NEBL: variants seen among roughly 807,000 people sequenced by gnomAD.
NEBL encodes the protein nebulette.
A neutral mutation model predicts 140.2 loss-of-function variants in NEBL; 122 were observed. The ratio of observed to expected loss-of-function variants is 0.87; its 90% CI spans 0.75 to 1.01. The LOEUF (loss-of-function observed/expected upper bound fraction) is 1.01. Among genes scored for constraint, NEBL ranks in the 50% least tolerant of loss-of-function variants. NEBL has a pLI of 0.00. For missense variants in NEBL, 1,365 were observed against 1,231.3 expected, an observed-to-expected ratio of 1.11 and a Z score of -1.62; for synonymous variants, 436 against 398.9, an observed-to-expected ratio of 1.09 and a Z score of -1.11.
At chr10:21,047,103 A>G (rs927896950) in intron 2 of NEBL, among the ~76,000 whole-genome samples, 1 of 152,252 alleles carries the variant, frequency 6.6e-6, no homozygotes, top group African/African-American at 2.4e-5. Context: ...ATGTACTGAA[A>G]GTCAATCACT....
At chr10:20,919,919 C>T (rs1236339044) in intron 4 of NEBL, among the ~76,000 whole-genome samples, 2 of 152,012 alleles carry the variant, frequency 1.3e-5, no homozygotes, top group Non-Finnish European at 2.9e-5. Flanking sequence ...GGGGAAATTG[C>T]ATCATGAAGG....
chr10:20,814,241 A>AG (rs1170472445), intron 22 of NEBL, among the ~76,000 whole-genome samples, 198 bp from the exon 23 acceptor site: 7 of 152,146 alleles, frequency 4.6e-5, no homozygotes, highest in African/African-American at 9.7e-5. Flanking sequence ...CTACTGCTAA[A>AG]TGACCTAAAT....
intron 2 of NEBL, among the ~76,000 whole-genome samples, chr10:20,894,150 T>C (rs1376772147): frequency 6.6e-6 from 1 of 152,048 alleles, no homozygotes; most frequent in Non-Finnish European, 1.5e-5. Context: ...TGAAGAGAAG[T>C]CCATGAAACC....
intron 4 of NEBL, among the ~76,000 whole-genome samples, chr10:20,929,908 T>TATAAAAAGTCTATAAA (rs1263532292): frequency 6.6e-6 from 1 of 152,168 alleles, no homozygotes; most frequent in Non-Finnish European, 1.5e-5. Flanking sequence ...CTGTACCTTC[T>TATAAAAAGTCTATAAA]AAGTCTATAA....
chr10:21,186,691 C>T (rs1006511376), intron 3 of NEBL, among the ~76,000 whole-genome samples: 10 of 149,778 alleles, frequency 6.7e-5, no homozygotes, highest in Non-Finnish European at 1.2e-4. Flanking sequence ...CATCAGCTAT[C>T]GTTAGCGTTA....
intron 26 of NEBL, among the ~76,000 whole-genome samples, chr10:20,794,166 C>T (rs1334679390): frequency 6.6e-6 from 1 of 152,166 alleles, no homozygotes; most frequent in Non-Finnish European, 1.5e-5. Flanking sequence ...CGAGGGGAAG[C>T]GGACCCCATT....
intron 25 of NEBL, among the ~76,000 whole-genome samples, chr10:20,809,515 T>C (rs1354402227): frequency 6.6e-6 from 1 of 152,184 alleles, no homozygotes; most frequent in Non-Finnish European, 1.5e-5. Context: ...GTCTCAGCAC[T>C]TTAGTGCAAT....
chr10:21,166,256 AAAAAT>A (rs1168952908), intron 2 of NEBL, among the ~76,000 whole-genome samples: 1,844 of 105,282 alleles, frequency 0.018, 139 homozygotes, highest in African/African-American at 0.03. Context: ...GAAAAGAAAA[AAAAAT>A]TTTCTACATC....
chr10:21,100,967 T>C (rs1837450744), intron 2 of NEBL, among the ~76,000 whole-genome samples: 1 of 152,186 alleles, frequency 6.6e-6, no homozygotes, highest in Admixed American at 6.5e-5. Context: ...TTCCCACACA[T>C]CGACCTTTCA....
chr10:20,852,630 A>G lies in NEBL; in HGVS notation c.923T>C (p.Phe308Ser), dbSNP rs560649061. 6.2e-7 allele frequency: 1 copy of G among 1,613,006 alleles called. No individual in the cohort carries two copies. The highest frequency in any genetic ancestry group is 1.3e-5 in the African/African-American group (1 of 75,018). Reference sequence around the variant, plus strand: ...ATGATACATTCCTTTGTTTTCCTCAAAGAGCTTTTTATATTCTCGCTAAAA... The same window carrying G: ...ATGATACATTCCTTTGTTTTCCTCAGAGAGCTTTTTATATTCTCGCTAAAA... Reference protein sequence around the residue: ...MLSGREYKKLFEENKGMYHFD... With the variant: ...MLSGREYKKLSEENKGMYHFD... The change falls in exon 10 of 28, where the codon TTT becomes TCT. Residue 308 changes from phenylalanine (F) to serine (S), a missense_variant. Around this residue, in one of 2 missense-constraint regions of NEBL, gnomAD observed 1,323 missense variants for 1,154.8 expected, o/e 1.15. Transcript: ENST00000377122.
At chr10:20,939,297 A>G (rs1834702321) in intron 4 of NEBL, among the ~76,000 whole-genome samples, 1 of 152,260 alleles carries the variant, frequency 6.6e-6, no homozygotes, top group African/African-American at 2.4e-5. Context: ...CTTAAAGAAA[A>G]GAATTTTCAA....
intron 2 of NEBL, among the ~76,000 whole-genome samples, chr10:21,028,527 T>C (rs886191133): frequency 6.6e-5 from 10 of 152,114 alleles, no homozygotes; most frequent in Non-Finnish European, 1.3e-4. Context: ...TAGGATTTTT[T>C]TAAAGACAAA....
At chr10:20,941,445 G>A (rs1834860105) in intron 4 of NEBL, among the ~76,000 whole-genome samples, 1 of 152,040 alleles carries the variant, frequency 6.6e-6, no homozygotes, top group East Asian at 1.9e-4. Flanking sequence ...AAAATAATAA[G>A]AGCTATCTAT....
chr10:20,875,406 C>T (rs1462362217), intron 5 of NEBL, among the ~76,000 whole-genome samples: 1 of 152,142 alleles, frequency 6.6e-6, no homozygotes, highest in Non-Finnish European at 1.5e-5. Context: ...AGTACCTTTC[C>T]TTAAATAGTT....
intron 3 of NEBL, among the ~76,000 whole-genome samples, chr10:21,204,187 T>C (rs1250236493): frequency 5.9e-5 from 9 of 152,136 alleles, no homozygotes; most frequent in Non-Finnish European, 1.3e-4. Flanking sequence ...GGGAGATGGC[T>C]TAGAACAAGC....
intron 12 of NEBL, among the ~76,000 whole-genome samples, chr10:20,843,283 C>T (rs1841564528): frequency 6.6e-6 from 1 of 152,050 alleles, no homozygotes; most frequent in African/African-American, 2.4e-5. Flanking sequence ...TTGGACTTCC[C>T]AGTCTCCAGA....
chr10:21,132,281 G>A (rs1589266748), intron 2 of NEBL, among the ~76,000 whole-genome samples: 1 of 152,062 alleles, frequency 6.6e-6, no homozygotes, highest in East Asian at 1.9e-4. Context: ...ATGTTTTCAG[G>A]ATTCATCATG....
At chr10:21,068,446 C>A (rs964707982) in intron 2 of NEBL, among the ~76,000 whole-genome samples, 1 of 152,184 alleles carries the variant, frequency 6.6e-6, no homozygotes, top group Non-Finnish European at 1.5e-5. Flanking sequence ...TCAGGCCCAG[C>A]CAAATAACCT....
intron 26 of NEBL, among the ~76,000 whole-genome samples, chr10:20,802,987 C>G (rs1023466787): frequency 2.0e-5 from 3 of 152,062 alleles, no homozygotes. Context: ...CTTTGATAAC[C>G]CGGACCAAGT....
Sources: allele counts gnomAD v4.1 joint callset (sites outside exome capture counted in the v4.1 genomes callset), GRCh38; gene constraint gnomAD v4.1.1; regional missense constraint gnomAD v4.1.1; transcripts MANE v1.5; gene names NCBI Gene and HGNC (gene_info 2026-07-23, HGNC 2026-07-21).